The following ASIC2 variants were observed in gnomAD, a reference collection of about 807,000 sequenced individuals.
ASIC2 encodes acid sensing ion channel subunit 2.
Under a neutral mutation model 57.3 loss-of-function variants are expected in ASIC2, and 25 were observed. The ratio of observed to expected loss-of-function variants is 0.44; its 90% CI spans 0.32 to 0.61. The LOEUF is 0.61. ASIC2 is among the 20% of genes least tolerant of loss of function. The pLI, the probability that ASIC2 is intolerant of heterozygous loss-of-function variation, is 0.06. For synonymous variants in ASIC2, 319 were observed against 307.5 expected, an observed-to-expected ratio of 1.04 and a Z score of -0.39; for missense variants, 641 against 738.1, an observed-to-expected ratio of 0.87 and a Z score of 1.52.
chr17:33,020,307 CT>C (rs1277154020), intron 7 of ASIC2, among the ~76,000 whole-genome samples: 6 of 152,168 alleles, frequency 3.9e-5, no homozygotes, highest in Admixed American at 6.5e-5. Context: ...TTAAACCCAT[CT>C]TGCAGATGAA....
Position 33,023,847 on chromosome 17 carries a change from C to T in ASIC2, c.1349+14G>A, listed in dbSNP as rs1022808854. 2.5e-6 allele frequency: 4 copies of T among 1,613,804 alleles called. No homozygotes were observed. Among genetic ancestry groups the T allele is most frequent in the Non-Finnish European group, 3.4e-6 (4 of 1,179,722 alleles). On this transcript the variant is annotated intron_variant, in intron 6 of 9. Coordinates refer to ENST00000225823, the MANE Select transcript of ASIC2 (RefSeq NM_183377.2). ...TTCCCCCTTCCCCCTGCCTACCATG[C>T]CCACTAAACTTACGAGATATATTTT...
chr17:34,149,831 G>T (rs980618433), intron 1 of ASIC2, among the ~76,000 whole-genome samples: 1 of 152,132 alleles, frequency 6.6e-6, no homozygotes, highest in African/African-American at 2.4e-5. Flanking sequence ...CAGTATGGAA[G>T]TTCCTCAAAA....
chr17:33,417,569 T>C (rs1211874283), intron 1 of ASIC2, among the ~76,000 whole-genome samples: 1 of 152,198 alleles, frequency 6.6e-6, no homozygotes, highest in Non-Finnish European at 1.5e-5. Context: ...AGTGGGCTCT[T>C]TCATGCTAGG....
chr17:33,142,179 C>T (rs1042102437), intron 1 of ASIC2, among the ~76,000 whole-genome samples: 5 of 152,170 alleles, frequency 3.3e-5, no homozygotes, highest in Non-Finnish European at 2.9e-5. Flanking sequence ...AATAAATAAA[C>T]GAATGGCAAG....
intron 1 of ASIC2, among the ~76,000 whole-genome samples, chr17:33,204,131 C>A (rs766177922): frequency 6.6e-6 from 1 of 152,232 alleles, no homozygotes; most frequent in Non-Finnish European, 1.5e-5. Flanking sequence ...GAGAGACCTG[C>A]ACTCAGTCAT....
chr17:33,870,751 T>C (rs1041115095), intron 1 of ASIC2, among the ~76,000 whole-genome samples: 2 of 152,178 alleles, frequency 1.3e-5, no homozygotes, highest in African/African-American at 2.4e-5. Context: ...TTAGAACAGA[T>C]CTTCTCCATC....
At chr17:33,499,691 TG>T (rs1914043998) in intron 1 of ASIC2, among the ~76,000 whole-genome samples, 1 of 152,370 alleles carries the variant, frequency 6.6e-6, no homozygotes, top group East Asian at 1.9e-4. Context: ...GGTTCTGTGT[TG>T]GGCAGCAGAC....
intron 1 of ASIC2, among the ~76,000 whole-genome samples, chr17:33,289,840 C>T (rs763157139): frequency 2.6e-5 from 4 of 152,156 alleles, no homozygotes; most frequent in Non-Finnish European, 5.9e-5. Context: ...GAGCGAGGGC[C>T]TGTTGCTACT....
chr17:33,586,067 C>T (rs542748793), intron 1 of ASIC2, among the ~76,000 whole-genome samples: 1 of 152,266 alleles, frequency 6.6e-6, no homozygotes, highest in South Asian at 2.1e-4. Flanking sequence ...CTAAGTTGTG[C>T]CAGTGCTTCC....
At chr17:34,136,394 G>A (rs967829626) in intron 1 of ASIC2, among the ~76,000 whole-genome samples, 1 of 152,182 alleles carries the variant, frequency 6.6e-6, no homozygotes, top group African/African-American at 2.4e-5. Flanking sequence ...CCTTTTAAGA[G>A]ACATTTACTA....
At chr17:33,933,230 C>T (rs2141973147) in intron 1 of ASIC2, among the ~76,000 whole-genome samples, 1 of 152,332 alleles carries the variant, frequency 6.6e-6, no homozygotes, top group Non-Finnish European at 1.5e-5. Flanking sequence ...CTCAAAGAAG[C>T]CATCCCTGAT....
chr17:33,218,627 C>T (rs1907585685), intron 1 of ASIC2, among the ~76,000 whole-genome samples: 1 of 148,854 alleles, frequency 6.7e-6, no homozygotes, highest in Admixed American at 6.7e-5. Flanking sequence ...TTGAGCATTG[C>T]CGGGGTGGGG....
intron 1 of ASIC2, among the ~76,000 whole-genome samples, chr17:33,470,062 T>C (rs1269059017): frequency 6.6e-6 from 1 of 152,054 alleles, no homozygotes; most frequent in Admixed American, 6.6e-5. Context: ...GGAACATGCA[T>C]GGAGCAGCTG....
intron 1 of ASIC2, among the ~76,000 whole-genome samples, chr17:34,102,106 C>CGAGACTAGCCTGGCCAACTTT (rs1334863634): frequency 2.2e-4 from 33 of 152,096 alleles, no homozygotes; most frequent in Non-Finnish European, 3.7e-4. Context: ...GTCAGGAGTT[C>CGAGACTAGCCTGGCCAACTTT]GAGACTAGCC....
chr17:33,786,086 G>A (rs1911592356), intron 1 of ASIC2, among the ~76,000 whole-genome samples: 1 of 152,150 alleles, frequency 6.6e-6, no homozygotes, highest in African/African-American at 2.4e-5. Context: ...GCTGGGGTTT[G>A]GACACAAGCC....
chr17:33,530,812 A>G (rs771735271), intron 1 of ASIC2, among the ~76,000 whole-genome samples: 3 of 152,190 alleles, frequency 2.0e-5, no homozygotes, highest in Admixed American at 2.0e-4. Flanking sequence ...ATAAAAGTCA[A>G]TCATTTCTAT....
At chr17:33,044,949 G>T (rs2091946895) in intron 3 of ASIC2, among the ~76,000 whole-genome samples, 1 of 152,132 alleles carries the variant, frequency 6.6e-6, no homozygotes, top group African/African-American at 2.4e-5. Context: ...GGCAGATCAG[G>T]AGTGGGAAAT....
At chr17:34,061,984 C>T (rs1908986143) in intron 1 of ASIC2, among the ~76,000 whole-genome samples, 1 of 152,102 alleles carries the variant, frequency 6.6e-6, no homozygotes, top group Non-Finnish European at 1.5e-5. Context: ...AGAAAGTCAG[C>T]AAGGAAACAA....
chr17:33,858,104 C>A (rs2141921644), intron 1 of ASIC2, among the ~76,000 whole-genome samples: 1 of 152,318 alleles, frequency 6.6e-6, no homozygotes, highest in African/African-American at 2.4e-5. Context: ...TGGAGACTCT[C>A]CTCTGTCTCT....
Sources: gnomAD v4.1 joint callset for allele counts (sites outside exome capture counted in the v4.1 genomes callset) on GRCh38, gnomAD v4.1.1 for gene constraint, MANE v1.5 for transcripts, NCBI Gene and HGNC (gene_info 2026-07-23, HGNC 2026-07-21) for gene names.